The following TMEM79 variants were observed in gnomAD, a reference collection of about 807,000 sequenced individuals.
TMEM79 encodes transmembrane protein 79.
TMEM79 carries 30 observed loss-of-function variants against 31.2 expected under a neutral mutation model. That is an observed-to-expected ratio of 0.96 (90% CI 0.72 to 1.30). The LOEUF is 1.30. TMEM79 is among the 50% of genes most tolerant of loss of function. The probability of loss-of-function intolerance (pLI) is 0.00; values close to 1 mark genes in which losing one functional copy is unlikely to be tolerated. For synonymous variants in TMEM79, 213 were observed against 229.5 expected, an observed-to-expected ratio of 0.93 and a Z score of 0.65; for missense variants, 509 against 528.2, an observed-to-expected ratio of 0.96 and a Z score of 0.36.
At chr1:156,289,259 G>T (rs2101592268) in intron 3 of TMEM79, among the ~76,000 whole-genome samples, 1 of 152,208 alleles carries the variant, frequency 6.6e-6, no homozygotes, top group East Asian at 1.9e-4. Flanking sequence ...TGGATCATGA[G>T]GTCAGGAGAT....
In TMEM79 at chr1:156,291,858, G is replaced by C. The variant is rs750807510; in HGVS notation, c.*260G>C. On this transcript the variant is annotated 3_prime_UTR_variant, in exon 4 of 4. Transcript: ENST00000405535. ...AAGGTGGACAGCCGTGTTTCTTAAG[G>C]ATGCTGAGGGCATGGGGCCAGGACC... The C allele has an allele frequency of 1.0e-5, 6 of 596,442 alleles. No homozygotes were observed. In the African/African-American group the frequency reaches 1.1e-4, roughly 11 times the overall value. 36.9% of individuals were successfully genotyped at this position (596,442 alleles called of 1,614,324 possible). A position where few individuals can be genotyped will look rare whatever the true frequency, so the allele number is the denominator to read the frequency against.
intron 3 of TMEM79, among the ~76,000 whole-genome samples, chr1:156,288,453 G>GC: frequency 6.6e-6 from 1 of 151,534 alleles, no homozygotes; most frequent in South Asian, 2.1e-4. Flanking sequence ...TCCTGCCTCA[G>GC]CCCCCCGAGT....
intron 3 of TMEM79, among the ~76,000 whole-genome samples, chr1:156,288,591 G>C (rs1323420557): frequency 1.3e-5 from 2 of 151,982 alleles, no homozygotes; most frequent in Non-Finnish European, 2.9e-5. Context: ...ACCCATCTTG[G>C]CCACCCAAAG....
Position 156,291,518 on chromosome 1 carries a change from C to G in TMEM79, c.1105C>G (p.Leu369Val), listed in dbSNP as rs776515156. 4 of 1,610,568 alleles carry G rather than the reference C, an allele frequency of 2.5e-6. No homozygotes were observed. Among genetic ancestry groups the G allele is most frequent in the Non-Finnish European group, 3.4e-6 (4 of 1,179,874 alleles). Residue 369 changes from leucine (L) to valine (V), a missense_variant, in exon 4 of 4, where the codon CTC (leucine) becomes GTC (valine). Coordinates refer to ENST00000405535, the MANE Select transcript of TMEM79 (RefSeq NM_032323.3). ...YMFVVEPERM[L>V]TATESRLDYP... ...GTTCGTGGTGGAGCCGGAGCGCATG[C>G]TCACTGCCACCGAGAGCCGCCTGGA...
intron 3 of TMEM79, 43 bp from the exon 4 acceptor site, chr1:156,291,342 C>A: frequency 6.3e-7 from 1 of 1,587,206 alleles, no homozygotes; most frequent in Non-Finnish European, 8.6e-7. Flanking sequence ...TCAGCTGACG[C>A]GCTTCCCTCG....
intron 3 of TMEM79, among the ~76,000 whole-genome samples, chr1:156,289,806 G>T (rs1663264443): frequency 6.6e-6 from 1 of 152,158 alleles, no homozygotes; most frequent in Non-Finnish European, 1.5e-5. Context: ...AGAGGAAGTT[G>T]CTCTCCCCTC....
At chr1:156,284,310 CAGAG>C (rs1217163952), upstream of TMEM79, 4 of 152,390 alleles carry the variant, frequency 2.6e-5, no homozygotes, top group Non-Finnish European at 4.4e-5. Context: ...GGGAGGGAGA[CAGAG>C]AGAAATACTT....
intron 3 of TMEM79, chr1:156,291,044 G>A (rs1663310047): frequency 3.6e-6 from 1 of 279,174 alleles, no homozygotes; most frequent in Non-Finnish European, 6.9e-6. Context: ...GGAGTCTGAG[G>A]TGAGAGAATC....
At chr1:156,286,025 G>C (rs1435815033) in intron 2 of TMEM79, 42 bp downstream of exon 2, 1 of 1,571,128 alleles carries the variant, frequency 6.4e-7, no homozygotes, top group Non-Finnish European at 8.6e-7. Flanking sequence ...AAGTGGACTT[G>C]AGGAGGGCAG....
At chr1:156,285,141 G>C in intron 1 of TMEM79, 43 bp from the exon 2 acceptor site, 1 of 1,474,758 alleles carries the variant, frequency 6.8e-7, no homozygotes, top group Non-Finnish European at 9.0e-7. Flanking sequence ...CTAATAACTA[G>C]AAGACAGGGG....
chr1:156,285,725 C>A lies in TMEM79; in HGVS notation c.499C>A (p.Pro167Thr). The A allele has an allele frequency of 1.2e-6, 2 of 1,613,234 alleles. No homozygotes were observed. Among genetic ancestry groups the A allele is most frequent in the African/African-American group, 2.7e-5 (2 of 75,058 alleles). Residue 167 changes from proline (P) to threonine (T), a missense_variant, in exon 2 of 4, where the codon CCC (proline) becomes ACC (threonine). Physicochemically the swap from Pro to Thr is conservative, Grantham distance 38. Coordinates refer to ENST00000405535, the MANE Select transcript of TMEM79 (RefSeq NM_032323.3). ...CTTCATGCCCCCCCGGGTCACCCAC[C>A]CCGACCCCACTGAGCGCAAGTGGGC... ...RTFMPPRVTH[P>T]DPTERKWAEA...
intron 3 of TMEM79, 66 bp downstream of exon 3, chr1:156,286,539 G>C (rs1476498553): frequency 6.5e-7 from 1 of 1,535,934 alleles, no homozygotes; most frequent in African/African-American, 1.4e-5. Context: ...GCATCTGAAT[G>C]TCTGGAGAGC....
chr1:156,287,441 T>TA (rs568225119), intron 3 of TMEM79, among the ~76,000 whole-genome samples: 84 of 151,844 alleles, frequency 5.5e-4, no homozygotes, highest in African/African-American at 1.4e-3. Context: ...TAATTAAAAT[T>TA]AAAAAAATAT....
Position 156,286,610 on chromosome 1 carries a change from C to A in TMEM79, c.971+137C>A, listed in dbSNP as rs1663170953. On this transcript the variant is annotated intron_variant, in intron 3 of 3. Transcript: ENST00000405535. ...AAATGTGTGCCCTGGGGAGATAAGT[C>A]CACCTTCTCTCTTGCACCTTACCTC... 3.6e-6 allele frequency: 3 copies of A among 824,564 alleles called. No homozygotes were observed. The East Asian group carries it at 7.7e-5, about 21-fold the overall frequency. The allele number at this position is 824,564 out of a possible 1,614,324, so 51.1% of individuals were successfully genotyped here.
At position 156,291,516 on chromosome 1, in the gene TMEM79, T is replaced by G. The variant is rs1572611493; in HGVS notation, c.1103T>G (p.Met368Arg). The part of the protein sequence containing the change: ...YYMFVVEPER[M>R]LTATESRLDY... Reference sequence around the variant, plus strand: ...ATGTTCGTGGTGGAGCCGGAGCGCATGCTCACTGCCACCGAGAGCCGCCTG... The same window carrying G: ...ATGTTCGTGGTGGAGCCGGAGCGCAGGCTCACTGCCACCGAGAGCCGCCTG... Residue 368 changes from methionine (M) to arginine (R), a missense_variant, in exon 4 of 4, where the codon ATG (methionine) becomes AGG (arginine). By Grantham distance (91) the Met-to-Arg change is moderately conservative (BLOSUM62 -1). Transcript: ENST00000405535. 1 of 1,610,574 alleles carries G rather than the reference T, an allele frequency of 6.2e-7. No individual in the cohort carries two copies. Among genetic ancestry groups the G allele is most frequent in the African/African-American group, 1.3e-5 (1 of 74,760 alleles).
At position 156,285,472 on chromosome 1, in the gene TMEM79, TCAGCCCAGTGC is replaced by T. The variant is rs757382839; in HGVS notation, c.247_257del (p.Gln83SerfsTer12). On this transcript the variant is annotated frameshift_variant, in exon 2 of 4. Coordinates refer to ENST00000405535, the MANE Select transcript of TMEM79 (RefSeq NM_032323.3). LOFTEE classifies it high-confidence loss of function. ...CCACCTTGCCCTGGGGGACTGGCCC[TCAGCCCAGTGC>T]TCCGTTCCCGGATCCCCCTGGCTGG... is the stretch of plus-strand genomic sequence containing the variant. 3 of 1,614,082 alleles carry T rather than the reference TCAGCCCAGTGC, an allele frequency of 1.9e-6. No individual in the cohort carries two copies. The East Asian group carries it at 6.7e-5, about 36-fold the overall frequency.
At position 156,291,564 on chromosome 1, in the gene TMEM79, C is replaced by A. The variant is rs747950770; in HGVS notation, c.1151C>A (p.Ser384Ter). 23 of 1,610,978 alleles carry A rather than the reference C, an allele frequency of 1.4e-5. No individual in the cohort carries two copies. Among genetic ancestry groups the A allele is most frequent in the Non-Finnish European group, 1.9e-5 (22 of 1,179,986 alleles). ...SRLDYPDHAR[S>*]ASDYRPRPWG ...CTGGACTACCCGGACCACGCCCGCT[C>A]GGCCTCCGACTACAGGCCCCGCCCC... is the stretch of plus-strand genomic sequence containing the variant. The change falls in exon 4 of 4, where the codon TCG (serine) becomes TAG (stop). Residue 384 changes from serine to a stop codon, truncating the protein, a stop_gained. Coordinates refer to ENST00000405535, the MANE Select transcript of TMEM79 (RefSeq NM_032323.3). LOFTEE classifies it high-confidence loss of function.
In TMEM79 at chr1:156,286,554, G is replaced by A. The variant is rs1440781045; in HGVS notation, c.971+81G>A. 2.8e-6 allele frequency: 4 copies of A among 1,449,706 alleles called. No individual in the cohort carries two copies. The South Asian group carries it at 3.6e-5, about 13-fold the overall frequency. The allele number at this position is 1,449,706 out of a possible 1,614,324, so 89.8% of individuals were successfully genotyped here. Reference sequence around the variant, plus strand: ...GCATCTGAATGTCTGGAGAGCCAGGGTCAGGAGCTTTCCGGATTCTACACT... The same window carrying A: ...GCATCTGAATGTCTGGAGAGCCAGGATCAGGAGCTTTCCGGATTCTACACT... On this transcript the variant is annotated intron_variant, in intron 3 of 3. Transcript: ENST00000405535.
Position 156,285,907 on chromosome 1 carries a change from A to T in TMEM79, c.681A>T (p.Pro227=). The change falls in exon 2 of 4, where the codon CCA becomes CCT. Residue 227 remains proline, a synonymous_variant. Transcript: ENST00000405535. The stretch of plus-strand genomic sequence containing the variant: ...ATGCCTTCCTGCCGTTTGATGTCCC[A>T]CGGCTGCCCACCATGAGTTCCCGCC... ...GAYAFLPFDV[P]RLPTMSSRLI... The T allele has an allele frequency of 6.2e-7, 1 of 1,611,594 alleles. No individual in the cohort carries two copies. The highest frequency in any genetic ancestry group is 8.5e-7 in the Non-Finnish European group (1 of 1,179,118).
Sources: allele counts gnomAD v4.1 joint callset (sites outside exome capture counted in the v4.1 genomes callset), GRCh38; gene constraint gnomAD v4.1.1; transcripts MANE v1.5; gene names NCBI Gene and HGNC (gene_info 2026-07-23, HGNC 2026-07-21).